Variants in PRKCQ observed in about 807,000 individuals in gnomAD.
PRKCQ encodes protein kinase C theta, also known as protein kinase C theta type.
A neutral mutation model predicts 91.2 loss-of-function variants in PRKCQ; 41 were observed. That is an observed-to-expected ratio of 0.45 (90% CI 0.35 to 0.58). The LOEUF is 0.58. Ranked by LOEUF, PRKCQ falls within the 20% of genes least tolerant of loss-of-function variation. The pLI, the probability that PRKCQ is intolerant of heterozygous loss-of-function variation, is 0.00. For synonymous variants in PRKCQ, 307 were observed against 316.9 expected, an observed-to-expected ratio of 0.97 and a Z score of 0.33; for missense variants, 673 against 896.5, an observed-to-expected ratio of 0.75 and a Z score of 3.18.
chr10:6,398,938 A>G, the PRKCQ span, among the ~76,000 whole-genome samples: 1 of 152,170 alleles, frequency 6.6e-6, no homozygotes, highest in Admixed American at 6.5e-5. Context: ...AAAATTTTAT[A>G]GAGTTTTCTG....
chr10:6,500,325 A>G (rs1191252836), intron 4 of PRKCQ, among the ~76,000 whole-genome samples: 1 of 152,004 alleles, frequency 6.6e-6, no homozygotes, highest in Non-Finnish European at 1.5e-5. Flanking sequence ...AATGAAAGTG[A>G]ATTATTATGG....
At chr10:6,416,724 A>G in the PRKCQ span, among the ~76,000 whole-genome samples, 1 of 152,148 alleles carries the variant, frequency 6.6e-6, no homozygotes, top group African/African-American at 2.4e-5. Flanking sequence ...CTTTGGGTAC[A>G]CACCCAGTAG....
the PRKCQ span, among the ~76,000 whole-genome samples, chr10:6,415,512 A>G: frequency 6.8e-6 from 1 of 146,946 alleles, no homozygotes; most frequent in Non-Finnish European, 1.5e-5. Context: ...CAGGTTAAGA[A>G]CTTTCTAATT....
chr10:6,463,155 C>G (rs760532230), intron 13 of PRKCQ, among the ~76,000 whole-genome samples: 1 of 152,170 alleles, frequency 6.6e-6, no homozygotes, highest in African/African-American at 2.4e-5. Context: ...GCCTGGGCAA[C>G]ACTTACAGCC....
At chr10:6,412,760 C>A in the PRKCQ span, among the ~76,000 whole-genome samples, 1 of 152,104 alleles carries the variant, frequency 6.6e-6, no homozygotes, top group Non-Finnish European at 1.5e-5. Context: ...TAGATCAGAA[C>A]CTCCTGACCA....
chr10:6,563,046 T>G (rs1434015886), intron 1 of PRKCQ, among the ~76,000 whole-genome samples: 1 of 152,122 alleles, frequency 6.6e-6, no homozygotes, highest in Non-Finnish European at 1.5e-5. Flanking sequence ...CTTGGTTGGC[T>G]CTCAGCTGCC....
At chr10:6,555,912 T>C (rs554055444) in intron 1 of PRKCQ, among the ~76,000 whole-genome samples, 2 of 152,164 alleles carry the variant, frequency 1.3e-5, no homozygotes, top group East Asian at 3.9e-4. Flanking sequence ...GGGAAGCTGA[T>C]GCAGGAGAAT....
At chr10:6,476,806 A>T (rs1564332764) in intron 12 of PRKCQ, among the ~76,000 whole-genome samples, 1 of 152,230 alleles carries the variant, frequency 6.6e-6, no homozygotes. Flanking sequence ...GAGCCCCAGC[A>T]TGTGCAGAAA....
intron 1 of PRKCQ, among the ~76,000 whole-genome samples, chr10:6,575,786 A>G (rs1841207205): frequency 1.3e-5 from 2 of 152,224 alleles, no homozygotes; most frequent in Non-Finnish European, 2.9e-5. Flanking sequence ...TCACGCCTGT[A>G]ATCTCAGCAC....
At position 6,485,246 on chromosome 10, in the gene PRKCQ, T is replaced by C. The variant is rs1298519643; in HGVS notation, c.924A>G (p.Glu308=). Residue 308 remains glutamate, a synonymous_variant, in exon 10 of 18, where the codon GAA becomes GAG. Coordinates refer to ENST00000263125, the MANE Select transcript of PRKCQ (RefSeq NM_006257.5). ...TQQARCLRDT[E]QIFREGPVEI... Reference sequence around the variant, plus strand: ...CAACCGGACCTTCTCTGAAGATCTGTTCAGTATCTCTTAAGCAGCGAGCCT... The same window carrying C: ...CAACCGGACCTTCTCTGAAGATCTGCTCAGTATCTCTTAAGCAGCGAGCCT... The C allele has an allele frequency of 6.2e-7, 1 of 1,613,950 alleles. No homozygotes were observed. The highest frequency in any genetic ancestry group is 1.1e-5 in the South Asian group (1 of 91,068).
intron 16 of PRKCQ, among the ~76,000 whole-genome samples, chr10:6,439,259 T>G (rs1221326607): frequency 6.6e-6 from 1 of 152,150 alleles, no homozygotes; most frequent in Non-Finnish European, 1.5e-5. Context: ...CTACCACGGA[T>G]AGGGCGCTGA....
At chr10:6,443,493 C>T (rs145156563) in intron 15 of PRKCQ, among the ~76,000 whole-genome samples, 1 of 152,228 alleles carries the variant, frequency 6.6e-6, no homozygotes, top group African/African-American at 2.4e-5. Context: ...AGGAGAAAAT[C>T]TCTACTTGCA....
chr10:6,543,327 T>C (rs1323981472), intron 1 of PRKCQ, among the ~76,000 whole-genome samples: 1 of 152,236 alleles, frequency 6.6e-6, no homozygotes, highest in Non-Finnish European at 1.5e-5. Context: ...AGGCTTCCCT[T>C]AGCTTTCAGC....
intron 8 of PRKCQ, among the ~76,000 whole-genome samples, 156 bp from the exon 9 acceptor site, chr10:6,486,300 C>A (rs1398123269): frequency 1.3e-5 from 2 of 152,120 alleles, no homozygotes; most frequent in Admixed American, 1.3e-4. Context: ...TGGTAGTGAT[C>A]CTCGTGCTGG....
intron 1 of PRKCQ, among the ~76,000 whole-genome samples, chr10:6,541,518 A>G (rs1271062203): frequency 6.6e-6 from 1 of 152,130 alleles, no homozygotes; most frequent in African/African-American, 2.4e-5. Flanking sequence ...CCCACTAGGT[A>G]CTTTTCACGT....
intron 1 of PRKCQ, chr10:6,515,400 A>C: frequency 1.0e-6 from 1 of 985,422 alleles, no homozygotes; most frequent in Non-Finnish European, 1.2e-6. Context: ...AAGTAACTCA[A>C]GAGTTAGTTC....
chr10:6,404,948 T>TTCTA, the PRKCQ span, among the ~76,000 whole-genome samples: 30 of 35,252 alleles, frequency 8.5e-4, no homozygotes, highest in East Asian at 3.1e-3. Context: ...CCTTCCTTCC[T>TTCTA]TCCTTCTATC....
chr10:6,412,768 C>T, the PRKCQ span, among the ~76,000 whole-genome samples: 1 of 152,168 alleles, frequency 6.6e-6, no homozygotes, highest in South Asian at 2.1e-4. Flanking sequence ...AACCTCCTGA[C>T]CAATGTGCAC....
intron 12 of PRKCQ, among the ~76,000 whole-genome samples, chr10:6,475,162 G>A (rs940700113): frequency 6.6e-6 from 1 of 152,116 alleles, no homozygotes; most frequent in African/African-American, 2.4e-5. Flanking sequence ...CTTTTGATTT[G>A]AGCCTCATTC....
Sources: allele counts gnomAD v4.1 joint callset (sites outside exome capture counted in the v4.1 genomes callset), GRCh38; gene constraint gnomAD v4.1.1; transcripts MANE v1.5; gene names NCBI Gene and HGNC (gene_info 2026-07-23, HGNC 2026-07-21).